ACOT13: variants seen among roughly 807,000 people sequenced by gnomAD.
The protein encoded by ACOT13 is acyl-CoA thioesterase 13.
A neutral mutation model predicts 11.8 loss-of-function variants in ACOT13; 10 were observed. That is an observed-to-expected ratio of 0.85 (90% CI 0.53 to 1.44). ACOT13 has a LOEUF of 1.44. Among genes scored for constraint, ACOT13 ranks in the 40% most tolerant of loss-of-function variants. The pLI is 0.00. For missense variants in ACOT13, 172 were observed against 174.1 expected (o/e 0.99, Z 0.07); for synonymous variants, 53 against 61.0 (o/e 0.87, Z 0.61).
chr6:24,688,272 C>G (rs1778665511), intron 1 of ACOT13, among the ~76,000 whole-genome samples: 1 of 151,798 alleles, frequency 6.6e-6, no homozygotes, highest in South Asian at 2.1e-4. Flanking sequence ...GGCATGGTGG[C>G]TCATGCCTGT....
At chr6:24,678,170 A>G (rs6916159) in intron 1 of ACOT13, among the ~76,000 whole-genome samples, 59,591 of 151,828 alleles carry the variant, frequency 0.39, 12,675 homozygotes, top group Non-Finnish European at 0.5. Flanking sequence ...GAGTTGAGAC[A>G]TTGGGTTCAA....
intron 1 of ACOT13, among the ~76,000 whole-genome samples, chr6:24,680,382 T>C (rs1778528288): frequency 2.6e-5 from 4 of 152,176 alleles, no homozygotes; most frequent in African/African-American, 9.7e-5. Flanking sequence ...AGAATACATC[T>C]TAAGGGCGTT....
chr6:24,687,410 C>T (rs1228841768), intron 1 of ACOT13: 19 of 1,210,370 alleles, frequency 1.6e-5, no homozygotes, highest in Admixed American at 1.3e-4. Context: ...CACAGTAACA[C>T]GTGGAGGAAC....
chr6:24,678,077 G>A (rs1778485755), intron 1 of ACOT13, among the ~76,000 whole-genome samples: 1 of 152,198 alleles, frequency 6.6e-6, no homozygotes, highest in African/African-American at 2.4e-5. Flanking sequence ...GTCCAGGTAT[G>A]AGAATTGGCT....
chr6:24,684,151 T>C (rs1385964897), intron 1 of ACOT13, among the ~76,000 whole-genome samples: 1 of 152,194 alleles, frequency 6.6e-6, no homozygotes, highest in African/African-American at 2.4e-5. Flanking sequence ...ATATAATAAC[T>C]GTCCCTAACT....
chr6:24,677,054 G>A (rs1037458726), intron 1 of ACOT13, among the ~76,000 whole-genome samples: 1 of 152,112 alleles, frequency 6.6e-6, no homozygotes, highest in African/African-American at 2.4e-5. Context: ...TGGAGTGAGG[G>A]GATTAGTTTC....
intron 1 of ACOT13, among the ~76,000 whole-genome samples, chr6:24,693,917 T>TA (rs1316639263): frequency 2.0e-5 from 3 of 152,100 alleles, no homozygotes; most frequent in Non-Finnish European, 4.4e-5. Context: ...AGATACAGGG[T>TA]TTCACCATGT....
At chr6:24,676,757 G>A (rs6909884) in intron 1 of ACOT13, among the ~76,000 whole-genome samples, 24,441 of 152,002 alleles carry the variant, frequency 0.16, 2,106 homozygotes, top group South Asian at 0.27. Flanking sequence ...TTCAATATCC[G>A]CTTGGCAGTT....
chr6:24,684,732 C>G (rs1222427760), intron 1 of ACOT13, among the ~76,000 whole-genome samples: 1 of 16,246 alleles, frequency 6.2e-5, no homozygotes, highest in African/African-American at 6.6e-4. Context: ...AAGTGTTAAT[C>G]AGGCAGACAT....
At chr6:24,677,760 C>T (rs4544900) in intron 1 of ACOT13, among the ~76,000 whole-genome samples, 28,471 of 152,142 alleles carry the variant, frequency 0.19, 3,229 homozygotes, top group Non-Finnish European at 0.26. Context: ...CTGACTATTT[C>T]GCTGTACCTG....
intron 1 of ACOT13, among the ~76,000 whole-genome samples, chr6:24,683,633 T>A (rs538511754): frequency 6.7e-6 from 1 of 149,142 alleles, no homozygotes; most frequent in South Asian, 2.1e-4. Flanking sequence ...TTAGGAGACA[T>A]GAAACATCAG....
chr6:24,688,364 T>C (rs190999748), intron 1 of ACOT13, among the ~76,000 whole-genome samples: 1 of 150,962 alleles, frequency 6.6e-6, no homozygotes, highest in African/African-American at 2.4e-5. Context: ...CAAAATGAGA[T>C]CCCATCTCTA....
chr6:24,701,387 A>G, intron 2 of ACOT13, 72 bp from the exon 3 acceptor site: 1 of 1,370,854 alleles, frequency 7.3e-7, no homozygotes, highest in Non-Finnish European at 1.0e-6. Context: ...ACATAGGAAC[A>G]CTGTTGTGAG....
intron 1 of ACOT13, among the ~76,000 whole-genome samples, chr6:24,695,600 C>G (rs977918116): frequency 6.6e-6 from 1 of 152,204 alleles, no homozygotes; most frequent in Admixed American, 6.5e-5. Flanking sequence ...CCTTTAGACA[C>G]TGAACCCGCT....
chr6:24,667,385 G>T (rs1390836571), intron 1 of ACOT13, 41 bp downstream of exon 1: 1 of 1,583,670 alleles, frequency 6.3e-7, no homozygotes, highest in East Asian at 2.2e-5. Flanking sequence ...TTCTAATGAA[G>T]GAAAAGAAAG....
At chr6:24,683,261 G>A (rs1376305922) in intron 1 of ACOT13, among the ~76,000 whole-genome samples, 1 of 152,150 alleles carries the variant, frequency 6.6e-6, no homozygotes, top group East Asian at 1.9e-4. Context: ...TTTGCAGTTG[G>A]GCCCGGTGGC....
At chr6:24,700,529 G>A (rs1232771077) in intron 2 of ACOT13, among the ~76,000 whole-genome samples, 1 of 146,064 alleles carries the variant, frequency 6.8e-6, no homozygotes, top group Non-Finnish European at 1.5e-5. Flanking sequence ...TCTGCCTCCT[G>A]GGTTCCTGCC....
rs371223544 is a variant in ACOT13, at chr6:24,687,521, G to A, written c.82-10362G>A. 3.1e-3 allele frequency: 4,216 copies of A among 1,375,566 alleles called. 13 individuals are homozygous for A. Among genetic ancestry groups the A allele is most frequent in the Non-Finnish European group, 3.6e-3 (3,769 of 1,059,240 alleles). 85.2% of individuals were successfully genotyped at this position (1,375,566 alleles called of 1,614,324 possible). ...ATAAGGAAGTGGAATTCCAAAGGAA[G>A]GCAAAGTGTAAAGTCATCTTTATGG... On this transcript the variant is annotated intron_variant, in intron 1 of 2. Coordinates refer to ENST00000230048, the MANE Select transcript of ACOT13 (RefSeq NM_018473.4).
chr6:24,702,080 C>T lies in ACOT13; in HGVS notation c.*465C>T, dbSNP rs549590191. On this transcript the variant is annotated 3_prime_UTR_variant, in exon 3 of 3. Transcript: ENST00000230048. ...CTTCCTGGCTCATAGATGGTGCCTT[C>T]TCACTGTGTGGTGGAAGGGGCAAGT... The T allele has an allele frequency of 6.5e-6, 1 of 153,062 alleles. No homozygotes were observed. Among genetic ancestry groups the T allele is most frequent in the African/African-American group, 2.4e-5 (1 of 41,582 alleles). 9.5% of individuals were successfully genotyped at this position (153,062 alleles called of 1,614,324 possible).
Sources: gnomAD v4.1 joint callset for allele counts (sites outside exome capture counted in the v4.1 genomes callset) on GRCh38, gnomAD v4.1.1 for gene constraint, MANE v1.5 for transcripts, NCBI Gene and HGNC (gene_info 2026-07-23, HGNC 2026-07-21) for gene names.